Variants in SYNE1 observed in about 807,000 individuals in gnomAD.
The protein encoded by SYNE1 is nesprin-1.
A neutral mutation model predicts 1,111.0 loss-of-function variants in SYNE1; 616 were observed. The observed-to-expected ratio is 0.55, with a 90% CI of 0.52 to 0.59. SYNE1 has a LOEUF of 0.59. Ranked by LOEUF, SYNE1 falls within the 20% of genes least tolerant of loss-of-function variation. SYNE1 has a pLI of 0.00. For missense variants in SYNE1, 10,006 were observed against 10,417.0 expected (o/e 0.96, Z 1.72); for synonymous variants, 3,855 against 3,825.8 (o/e 1.01, Z -0.28).
In SYNE1 at chr6:152,362,196, T is replaced by G; in HGVS notation, c.10273A>C (p.Lys3425Gln). Reference sequence around the variant, plus strand: ...TTGGCTTTTCCGAGCATCGTTGTTTTATCCCGCAGCTCCGCATGCTGCCTT... The same window carrying G: ...TTGGCTTTTCCGAGCATCGTTGTTTGATCCCGCAGCTCCGCATGCTGCCTT... ...SERQHAELRD[K>Q]TTMLGKAKLL... The change falls in exon 64 of 146, where the codon AAA becomes CAA. Residue 3425 changes from lysine to glutamine, a missense_variant. This residue lies in a region of SYNE1 where 4,955 missense variants were observed against 5,017.2 expected (regional missense o/e 0.99). Transcript: ENST00000367255. The G allele has an allele frequency of 6.2e-7, 1 of 1,614,266 alleles. No homozygotes were observed.
Position 152,156,101 on chromosome 6 carries a change from C to G in SYNE1, c.23791-4G>C. On this transcript the variant is annotated splice_region_variant and splice_polypyrimidine_tract_variant and intron_variant, in intron 131 of 145. Transcript: ENST00000367255. Reference sequence around the variant, plus strand: ...TCTCTATGTCTCTCTGAAGCTCCTGCAGGGGAACGTAACAGGCTTTATTCA... The same window carrying G: ...TCTCTATGTCTCTCTGAAGCTCCTGGAGGGGAACGTAACAGGCTTTATTCA... 6.2e-7 allele frequency: 1 copy of G among 1,614,126 alleles called. No individual in the cohort carries two copies. The highest frequency in any genetic ancestry group is 8.5e-7 in the Non-Finnish European group (1 of 1,180,016).
chr6:152,617,939 A>T (rs1345413574), intron 3 of SYNE1, among the ~76,000 whole-genome samples: 1 of 152,214 alleles, frequency 6.6e-6, no homozygotes, highest in East Asian at 1.9e-4. Context: ...ACCATAGTTT[A>T]TAGAGGCTGA....
chr6:152,224,794 C>A, intron 116 of SYNE1, 130 bp from the exon 117 acceptor site: 1 of 956,992 alleles, frequency 1.0e-6, no homozygotes, highest in Admixed American at 2.5e-5. Flanking sequence ...ACAAACAAAA[C>A]TAAAAAGAAA....
intron 11 of SYNE1, among the ~76,000 whole-genome samples, chr6:152,494,083 C>A (rs2098986449): frequency 6.6e-6 from 1 of 152,210 alleles, no homozygotes; most frequent in South Asian, 2.1e-4. Flanking sequence ...ATCCGAACAA[C>A]CTGACCGCAC....
intron 49 of SYNE1, among the ~76,000 whole-genome samples, chr6:152,397,935 A>T (rs1369370202): frequency 1.3e-5 from 2 of 150,942 alleles, no homozygotes; most frequent in East Asian, 1.9e-4. Context: ...CAGGAGGTGG[A>T]GGTTGCAGTA....
At chr6:152,381,401 G>A (rs1373088823) in intron 55 of SYNE1, 39 bp from the exon 56 acceptor site, 1 of 1,600,230 alleles carries the variant, frequency 6.2e-7, no homozygotes, top group Admixed American at 1.7e-5. Flanking sequence ...AAGAGCCTGT[G>A]AGTCACTTGG....
intron 21 of SYNE1, among the ~76,000 whole-genome samples, chr6:152,460,900 C>T (rs1250677471): frequency 6.7e-6 from 1 of 148,682 alleles, no homozygotes; most frequent in Non-Finnish European, 1.5e-5. Context: ...GCAACCTCTG[C>T]CTCCCGGGTT....
chr6:152,470,440 A>C (rs1216229043), intron 16 of SYNE1, among the ~76,000 whole-genome samples: 1 of 152,202 alleles, frequency 6.6e-6, no homozygotes, highest in Non-Finnish European at 1.5e-5. Flanking sequence ...CTTGAAGCTT[A>C]AAATCAAGTT....
intron 38 of SYNE1, among the ~76,000 whole-genome samples, chr6:152,426,986 G>A (rs1210337561): frequency 1.3e-5 from 2 of 152,216 alleles, no homozygotes; most frequent in Admixed American, 6.5e-5. Context: ...GTATAAATCT[G>A]TAATACAATA....
At chr6:152,427,411 C>T (rs1159345442) in intron 38 of SYNE1, among the ~76,000 whole-genome samples, 1 of 152,154 alleles carries the variant, frequency 6.6e-6, no homozygotes, top group Non-Finnish European at 1.5e-5. Context: ...TCCTCAACTC[C>T]TTTGCCAAAC....
chr6:152,483,589 T>C (rs1315159823), intron 13 of SYNE1, among the ~76,000 whole-genome samples: 1 of 152,174 alleles, frequency 6.6e-6, no homozygotes, highest in East Asian at 1.9e-4. Context: ...TCAGGTTTGG[T>C]GACATGCTTG....
chr6:152,494,150 T>C (rs920125927), intron 11 of SYNE1, among the ~76,000 whole-genome samples: 18 of 152,190 alleles, frequency 1.2e-4, no homozygotes, highest in African/African-American at 3.9e-4. Context: ...TTAATACTTT[T>C]AGAGGCCATC....
intron 3 of SYNE1, among the ~76,000 whole-genome samples, chr6:152,564,813 T>A (rs2099406904): frequency 6.6e-6 from 1 of 152,178 alleles, no homozygotes; most frequent in South Asian, 2.1e-4. Context: ...AGCATCATCA[T>A]TTACTGCGAG....
chr6:152,167,636 T>G (rs2063944006), intron 130 of SYNE1: 1 of 433,866 alleles, frequency 2.3e-6, no homozygotes, highest in African/African-American at 2.1e-5. Flanking sequence ...AGCAACTTTC[T>G]CAAACACACA....
intron 4 of SYNE1, among the ~76,000 whole-genome samples, chr6:152,539,680 C>T (rs1438237330): frequency 2.0e-5 from 3 of 152,172 alleles, no homozygotes; most frequent in African/African-American, 7.2e-5. Context: ...ATATGACACA[C>T]ACATTAGTAT....
intron 16 of SYNE1, 111 bp downstream of exon 16, chr6:152,471,486 G>A (rs1259428238): frequency 2.9e-6 from 3 of 1,045,780 alleles, no homozygotes; most frequent in East Asian, 2.4e-5. Flanking sequence ...TTTAACACAC[G>A]CTATCTTTAT....
Position 152,447,060 on chromosome 6 carries a change from G to A in SYNE1, c.3669+398C>T, listed in dbSNP as rs556634005. Among the ~76,000 whole-genome samples the A allele has an allele frequency of 5.3e-5, 8 of 152,236 alleles. No individual in the cohort carries two copies. In the South Asian group the frequency reaches 1.0e-3, roughly 20 times the overall value. ...AAGGAAATCAAGACCTAGATGTTACGTAAGTTGAAGGTTACCTAGGAGGTA... is the reference window on the plus strand; with the variant it reads ...AAGGAAATCAAGACCTAGATGTTACATAAGTTGAAGGTTACCTAGGAGGTA... On this transcript the variant is annotated intron_variant, in intron 29 of 145. Transcript: ENST00000367255.
At chr6:152,384,602 A>C (rs2154121900) in intron 55 of SYNE1, among the ~76,000 whole-genome samples, 1 of 152,326 alleles carries the variant, frequency 6.6e-6, no homozygotes, top group African/African-American at 2.4e-5. Context: ...GGGACCGGGC[A>C]CCATGGCTCA....
At chr6:152,129,974 C>A (rs1014741541) in intron 145 of SYNE1, among the ~76,000 whole-genome samples, 1 of 152,114 alleles carries the variant, frequency 6.6e-6, no homozygotes, top group Non-Finnish European at 1.5e-5. Flanking sequence ...GACACCACAC[C>A]GACAACAAAG....
Sources: gnomAD v4.1 joint callset for allele counts (sites outside exome capture counted in the v4.1 genomes callset) on GRCh38, gnomAD v4.1.1 for gene constraint, gnomAD v4.1.1 regional missense constraint, MANE v1.5 for transcripts, NCBI Gene and HGNC (gene_info 2026-07-23, HGNC 2026-07-21) for gene names.